The following FNDC1 variants were observed in gnomAD, a reference collection of about 807,000 sequenced individuals.
FNDC1 encodes the protein fibronectin type III domain containing 1.
Under a neutral mutation model 168.0 loss-of-function variants are expected in FNDC1, and 96 were observed. The observed-to-expected ratio is 0.57, with a 90% CI of 0.48 to 0.68. FNDC1 has a LOEUF of 0.68. Among genes scored for constraint, FNDC1 ranks in the 30% least tolerant of loss-of-function variants. The pLI is 0.00. For missense variants in FNDC1, 2,587 were observed against 2,482.1 expected (o/e 1.04, Z -0.90); for synonymous variants, 1,099 against 1,025.9 (o/e 1.07, Z -1.36).
At chr6:159,190,618 G>A (rs1782115993) in intron 1 of FNDC1, among the ~76,000 whole-genome samples, 2 of 152,232 alleles carry the variant, frequency 1.3e-5, no homozygotes, top group Admixed American at 1.3e-4. Context: ...GAAGCACAAT[G>A]GTGGCCACAC....
chr6:159,223,481 A>C, intron 6 of FNDC1, 47 bp from the exon 7 acceptor site: 1 of 1,264,320 alleles, frequency 7.9e-7, no homozygotes, highest in South Asian at 1.3e-5. Context: ...TCAGGGCAGA[A>C]CCTGTTGTGA....
chr6:159,260,921 G>A (rs551635983), intron 18 of FNDC1, among the ~76,000 whole-genome samples: 5 of 152,334 alleles, frequency 3.3e-5, no homozygotes, highest in Non-Finnish European at 5.9e-5. Flanking sequence ...AAAGGAACGC[G>A]TGCTCAGCAA....
chr6:159,227,281 C>G (rs1213701648), intron 9 of FNDC1, among the ~76,000 whole-genome samples: 2 of 152,166 alleles, frequency 1.3e-5, no homozygotes, highest in African/African-American at 4.8e-5. Flanking sequence ...TTTTTCCTGG[C>G]ACTGCCTATG....
In FNDC1 at chr6:159,271,558, AGGTCATAGATGGACACTGGCCATTCT is replaced by A; in HGVS notation, c.*123_*148del. 1.3e-6 allele frequency: 1 copy of A among 741,614 alleles called. No homozygotes were observed. 45.9% of individuals were successfully genotyped at this position (741,614 alleles called of 1,614,324 possible). A position where few individuals can be genotyped will look rare whatever the true frequency, so the allele number is the denominator to read the frequency against. ...AGCCCCGCTGCCCTAGGTGCCAGGAAGGTCATAGATGGACACTGGCCATTCTGGTCATCTCAGTCTGGAACTCAGTC... is the reference window on the plus strand; with the variant it reads ...AGCCCCGCTGCCCTAGGTGCCAGGAAGGTCATCTCAGTCTGGAACTCAGTC... On this transcript the variant is annotated 3_prime_UTR_variant, in exon 23 of 23. Transcript: ENST00000297267.
At chr6:159,259,639 T>C (rs918522099) in intron 18 of FNDC1, among the ~76,000 whole-genome samples, 1 of 152,230 alleles carries the variant, frequency 6.6e-6, no homozygotes, top group African/African-American at 2.4e-5. Context: ...TGGAAATGTA[T>C]GCCAAACCCA....
chr6:159,197,996 A>G (rs1782286902), intron 2 of FNDC1, among the ~76,000 whole-genome samples: 1 of 152,220 alleles, frequency 6.6e-6, no homozygotes, highest in Non-Finnish European at 1.5e-5. Flanking sequence ...ATGCCATTTT[A>G]TAATCAGGGA....
intron 17 of FNDC1, among the ~76,000 whole-genome samples, chr6:159,252,845 T>C (rs1263838636): frequency 6.6e-6 from 1 of 152,228 alleles, no homozygotes; most frequent in Non-Finnish European, 1.5e-5. Flanking sequence ...TTACTTAACA[T>C]AAATATATCA....
chr6:159,185,071 G>GA (rs951296614), intron 1 of FNDC1, among the ~76,000 whole-genome samples: 3 of 109,758 alleles, frequency 2.7e-5, no homozygotes, highest in South Asian at 3.7e-4. Context: ...GGAGGGTGGG[G>GA]GGGGGGGAAT....
intron 14 of FNDC1, 131 bp downstream of exon 14, chr6:159,240,088 T>C: frequency 1.2e-6 from 1 of 817,116 alleles, no homozygotes; most frequent in Non-Finnish European, 1.7e-6. Flanking sequence ...GATGCATTTT[T>C]GGTCCCAGCA....
intron 18 of FNDC1, among the ~76,000 whole-genome samples, chr6:159,260,470 T>C (rs1335114329): frequency 1.4e-4 from 21 of 152,210 alleles, no homozygotes; most frequent in Admixed American, 1.4e-3. Context: ...AGCCTCTCTC[T>C]CCGGATCTTT....
rs754152838 is a variant in FNDC1 at position 159,271,391 on chromosome 6, C to T, written c.5634C>T (p.Tyr1878=). The T allele has an allele frequency of 1.9e-6, 3 of 1,612,680 alleles. No homozygotes were observed. Among genetic ancestry groups the T allele is most frequent in the Non-Finnish European group, 2.5e-6 (3 of 1,179,494 alleles). Residue 1878 remains tyrosine, a synonymous_variant, in exon 23 of 23, where the codon TAC becomes TAT. Coordinates refer to ENST00000297267, the MANE Select transcript of FNDC1 (RefSeq NM_032532.3). ...RFGNIGFGTP[Y]YYVGWYECGV... ...GGAACATCGGCTTCGGAACCCCCTA[C>T]TACTATGTGGGCTGGTACGAGTGTG...
At chr6:159,230,430 G>A (rs909718872) in intron 10 of FNDC1, among the ~76,000 whole-genome samples, 20 of 152,210 alleles carry the variant, frequency 1.3e-4, no homozygotes, top group Admixed American at 1.3e-4. Context: ...TTACCCACTG[G>A]GTACAATATT....
In FNDC1 at chr6:159,199,286, T is replaced by C. The variant is rs372966362; in HGVS notation, c.305-710T>C. ...ACATGGGTCTTCATTTCCTTTCCCA[T>C]CCCATCAACTTTAGGAGCTCAGCCC... On this transcript the variant is annotated intron_variant, in intron 2 of 22. Transcript: ENST00000297267. Among the ~76,000 whole-genome samples, 12 of 152,220 alleles carry C rather than the reference T, an allele frequency of 7.9e-5. No homozygotes were observed. In the East Asian group the frequency reaches 1.2e-3, roughly 15 times the overall value.
intron 22 of FNDC1, among the ~76,000 whole-genome samples, chr6:159,269,499 T>TCCATCCATCC (rs1562316090): frequency 1.1e-5 from 1 of 87,328 alleles, no homozygotes; most frequent in African/African-American, 4.3e-5. Context: ...TCTATCTATC[T>TCCATCCATCC]ATCCATCCAT....
At chr6:159,205,367 T>G (rs1267925564) in intron 4 of FNDC1, among the ~76,000 whole-genome samples, 1 of 152,250 alleles carries the variant, frequency 6.6e-6, no homozygotes, top group African/African-American at 2.4e-5. Context: ...TTAAGGCATA[T>G]GATCTTGCTG....
At chr6:159,189,129 A>G (rs1782074307) in intron 1 of FNDC1, among the ~76,000 whole-genome samples, 1 of 152,178 alleles carries the variant, frequency 6.6e-6, no homozygotes, top group Non-Finnish European at 1.5e-5. Flanking sequence ...CAAAAACCCA[A>G]CTTGAGCTCA....
rs1405580657 is a variant in FNDC1 at position 159,184,627 on chromosome 6, G to T, written c.110-12804G>T. 1.7e-4 allele frequency among the ~76,000 whole-genome samples: 26 copies of T among 152,232 alleles called. No individual in the cohort carries two copies. The East Asian group carries it at 5.0e-3, about 29-fold the overall frequency. On this transcript the variant is annotated intron_variant, in intron 1 of 22. Coordinates refer to ENST00000297267, the MANE Select transcript of FNDC1 (RefSeq NM_032532.3). Reference sequence around the variant, plus strand: ...CCTCTCTTCTAAGGGTGTTTTTCAGGGAGCTTTCTGAGTAATATGAGTGGT... The same window carrying T: ...CCTCTCTTCTAAGGGTGTTTTTCAGTGAGCTTTCTGAGTAATATGAGTGGT...
In FNDC1 at chr6:159,215,081, G is replaced by C; in HGVS notation, c.597G>C (p.Gly199=). The C allele has an allele frequency of 6.2e-7, 1 of 1,614,042 alleles. No homozygotes were observed. Among genetic ancestry groups the C allele is most frequent in the African/African-American group, 1.3e-5 (1 of 75,074 alleles). The change falls in exon 5 of 23, where the codon GGG becomes GGC. Residue 199 remains glycine, a synonymous_variant. Transcript: ENST00000297267. ...CACGGGGTTTTCTCCTGGGCTACGGGGAGAGTGGCCGGAAGATGAATTATG... is the reference window on the plus strand; with the variant it reads ...CACGGGGTTTTCTCCTGGGCTACGGCGAGAGTGGCCGGAAGATGAATTATG... ...RRSRGFLLGY[G]ESGRKMNYVP... is the part of the protein sequence containing the mutation.
intron 6 of FNDC1, among the ~76,000 whole-genome samples, chr6:159,222,047 C>T (rs924613975): frequency 2.0e-5 from 3 of 152,054 alleles, no homozygotes; most frequent in South Asian, 2.1e-4. Flanking sequence ...GAAGAGCAGG[C>T]GGGAGGTGGT....
Sources: allele counts gnomAD v4.1 joint callset (sites outside exome capture counted in the v4.1 genomes callset), GRCh38; gene constraint gnomAD v4.1.1; transcripts MANE v1.5; gene names NCBI Gene and HGNC (gene_info 2026-07-23, HGNC 2026-07-21).